Variants in PHACTR3 observed in about 807,000 individuals in gnomAD.
PHACTR3 encodes protein phosphatase 1, regulatory subunit 123.
A neutral mutation model predicts 66.8 loss-of-function variants in PHACTR3; 16 were observed. The observed-to-expected ratio is 0.24, with a 90% confidence interval of 0.16 to 0.36. The LOEUF is 0.36. PHACTR3 is among the 10% of genes least tolerant of loss of function. PHACTR3 has a pLI of 1.00. For synonymous variants in PHACTR3, 323 were observed against 292.1 expected (o/e 1.11, Z -1.08); for missense variants, 647 against 719.9 (o/e 0.90, Z 1.16).
intron 1 of PHACTR3, among the ~76,000 whole-genome samples, chr20:59,696,114 A>T (rs1242101439): frequency 2.0e-5 from 3 of 152,176 alleles, no homozygotes; most frequent in Non-Finnish European, 4.4e-5. Context: ...GCTTTTCTAT[A>T]TGTTCCTTTA....
chr20:59,632,470 G>A (rs73301461), intron 1 of PHACTR3, among the ~76,000 whole-genome samples: 1,575 of 152,286 alleles, frequency 0.01, 35 homozygotes, highest in African/African-American at 0.036. Flanking sequence ...AGAGCTGGTC[G>A]GCTGTGGGCT....
intron 1 of PHACTR3, among the ~76,000 whole-genome samples, chr20:59,582,632 GA>G (rs1275056661): frequency 1.3e-5 from 2 of 152,198 alleles, no homozygotes; most frequent in African/African-American, 4.8e-5. Flanking sequence ...CCAGAGAAGT[GA>G]AAATTACATT....
intron 3 of PHACTR3, among the ~76,000 whole-genome samples, chr20:59,750,211 A>T (rs959386814): frequency 6.6e-6 from 1 of 150,964 alleles, no homozygotes; most frequent in African/African-American, 2.4e-5. Context: ...ACAGGACCTG[A>T]CCTGGTTCTC....
At chr20:59,601,257 T>A (rs567296630), upstream of PHACTR3, among the ~76,000 whole-genome samples, 1 of 152,370 alleles carries the variant, frequency 6.6e-6, no homozygotes, top group Admixed American at 6.5e-5. Flanking sequence ...ACTTGCATAA[T>A]GTTTTCCAGG....
intron 1 of PHACTR3, among the ~76,000 whole-genome samples, chr20:59,698,796 G>T (rs2037390542): frequency 6.6e-6 from 1 of 152,094 alleles, no homozygotes; most frequent in South Asian, 2.1e-4. Flanking sequence ...AACTCTCCAT[G>T]GTACTAGTTC....
In PHACTR3 at chr20:59,841,463, G is replaced by C; in HGVS notation, c.1515G>C (p.Val505=). Residue 505 remains valine, a synonymous_variant, in exon 11 of 13, where the codon GTG becomes GTC. Coordinates refer to ENST00000371015, the MANE Select transcript of PHACTR3 (RefSeq NM_080672.5). ...RKILIRFSDY[V]EVAKAQDYDR... is the part of the protein sequence containing the mutation. The stretch of plus-strand genomic sequence containing the variant: ...TTCTGATACGATTCAGTGATTACGT[G>C]GAAGTAGCAAAAGCGCAGGACTATG... 6.2e-7 allele frequency: 1 copy of C among 1,613,714 alleles called. No individual in the cohort carries two copies. The highest frequency in any genetic ancestry group is 8.5e-7 in the Non-Finnish European group (1 of 1,179,758).
At chr20:59,827,842 G>T (rs1214104366) in intron 8 of PHACTR3, among the ~76,000 whole-genome samples, 1 of 152,156 alleles carries the variant, frequency 6.6e-6, no homozygotes, top group Admixed American at 6.5e-5. Flanking sequence ...CACCAAGCTT[G>T]GCGGGGCTTC....
intron 1 of PHACTR3, among the ~76,000 whole-genome samples, chr20:59,662,308 G>T (rs2035834881): frequency 6.6e-6 from 1 of 152,138 alleles, no homozygotes; most frequent in South Asian, 2.1e-4. Context: ...ACCCAGCTTG[G>T]GGTGGGGTGG....
intron 4 of PHACTR3, among the ~76,000 whole-genome samples, chr20:59,760,071 G>A (rs1309339303): frequency 6.6e-6 from 1 of 152,062 alleles, no homozygotes; most frequent in African/African-American, 2.4e-5. Flanking sequence ...CTGGGGGTCG[G>A]GGAGAGGGGT....
At chr20:59,840,219 C>CAA in intron 9 of PHACTR3, 150 bp from the exon 10 acceptor site, 9 of 1,292,642 alleles carry the variant, frequency 7.0e-6, no homozygotes, top group Non-Finnish European at 9.3e-6. Flanking sequence ...CAGTGACTGA[C>CAA]AAAGTGGGAA....
At position 59,840,571 on chromosome 20, in the gene PHACTR3, T is replaced by G. The variant is rs181781986; in HGVS notation, c.1446+141T>G. ...CCTGGACATCATGGCATCAGTTAAA[T>G]CAGGATATTTGCTCAGCAACAATGA... On this transcript the variant is annotated intron_variant, in intron 10 of 12. Coordinates refer to ENST00000371015, the MANE Select transcript of PHACTR3 (RefSeq NM_080672.5). 2.7e-5 allele frequency: 36 copies of G among 1,328,572 alleles called. 1 individual carries two copies. In the Middle Eastern group the frequency reaches 1.5e-3, roughly 57 times the overall value. The allele number at this position is 1,328,572 out of a possible 1,614,324, so 82.3% of individuals were successfully genotyped here.
At chr20:59,717,431 C>A (rs868836363) in intron 1 of PHACTR3, among the ~76,000 whole-genome samples, 6 of 152,238 alleles carry the variant, frequency 3.9e-5, no homozygotes, top group Admixed American at 1.3e-4. Context: ...CTGAACTTAT[C>A]CCACTGTCTA....
intron 1 of PHACTR3, among the ~76,000 whole-genome samples, chr20:59,593,374 C>T (rs1371785348): frequency 1.3e-5 from 2 of 152,174 alleles, no homozygotes. Context: ...TGTTGAGTTT[C>T]AAGAGTTCTC....
chr20:59,803,519 T>G (rs1020811424), intron 7 of PHACTR3, among the ~76,000 whole-genome samples: 1 of 152,262 alleles, frequency 6.6e-6, no homozygotes, highest in Non-Finnish European at 1.5e-5. Context: ...TGCCAATTTA[T>G]TTTAATATAT....
At chr20:59,838,645 C>G (rs149736470) in intron 9 of PHACTR3, among the ~76,000 whole-genome samples, 3 of 152,186 alleles carry the variant, frequency 2.0e-5, no homozygotes, top group African/African-American at 7.2e-5. Flanking sequence ...AGAGTTCAAC[C>G]CCAGGTCTGC....
intron 1 of PHACTR3, chr20:59,626,765 A>AT (rs2034463203): frequency 6.6e-6 from 1 of 152,298 alleles, no homozygotes; most frequent in South Asian, 2.1e-4. Flanking sequence ...TTCGAAGGTC[A>AT]TTTAGTCAGA....
In PHACTR3 at chr20:59,755,298, G is replaced by C. The variant is rs371300986; in HGVS notation, c.475G>C (p.Ala159Pro). The change falls in exon 4 of 13, where the codon GCC becomes CCC. Residue 159 changes from alanine to proline, a missense_variant. Transcript: ENST00000371015. ...SEDAQPGSPL[A>P]TGTDQVSLDK... ...AGATGCCCAGCCCGGAAGCCCCTTG[G>C]CCACTGGGACGGACCAGGTCTCCCT... The C allele has an allele frequency of 9.9e-5, 160 of 1,613,148 alleles. No individual in the cohort carries two copies. Among genetic ancestry groups the C allele is most frequent in the Non-Finnish European group, 1.2e-4 (147 of 1,179,988 alleles).
At chr20:59,706,750 A>C (rs1433632694) in intron 1 of PHACTR3, among the ~76,000 whole-genome samples, 2 of 152,206 alleles carry the variant, frequency 1.3e-5, no homozygotes, top group African/African-American at 4.8e-5. Flanking sequence ...AAAAGCCAGA[A>C]CAACCAGAGG....
In PHACTR3 at chr20:59,847,249, GTAGGATCACACACA is replaced by G. The variant is rs1352197315; in HGVS notation, c.*120_*133del. The G allele has an allele frequency of 2.9e-6, 2 of 695,794 alleles. No individual in the cohort carries two copies. Among genetic ancestry groups the G allele is most frequent in the Non-Finnish European group, 2.5e-6 (1 of 404,150 alleles). 43.1% of individuals were successfully genotyped at this position (695,794 alleles called of 1,614,324 possible). On this transcript the variant is annotated 3_prime_UTR_variant, in exon 13 of 13. Transcript: ENST00000371015. ...CCTACCTGCTGTGTTTGTGAGAAGA[GTAGGATCACACACA>G]CAGGTGCAATCTTGACCACACTTAC...
Sources: gnomAD v4.1 joint callset for allele counts (sites outside exome capture counted in the v4.1 genomes callset) on GRCh38, gnomAD v4.1.1 for gene constraint, MANE v1.5 for transcripts, NCBI Gene and HGNC (gene_info 2026-07-23, HGNC 2026-07-21) for gene names.